The following FGFR1OP2 variants were observed in gnomAD, a reference collection of about 807,000 sequenced individuals.
FGFR1OP2 encodes FGFR1 oncogene partner 2.
FGFR1OP2 carries 17 observed loss-of-function variants against 35.2 expected under a neutral mutation model. The ratio of observed to expected loss-of-function variants is 0.48; its 90% CI spans 0.33 to 0.73. FGFR1OP2 has a LOEUF of 0.73. Ranked by LOEUF, FGFR1OP2 falls within the 30% of genes least tolerant of loss-of-function variation. FGFR1OP2 has a pLI of 0.02. For synonymous variants in FGFR1OP2, 105 were observed against 104.6 expected (o/e 1.00, Z -0.03); for missense variants, 251 against 307.3 (o/e 0.82, Z 1.37).
chr12:26,952,279 G>A (rs900220230), intron 1 of FGFR1OP2, among the ~76,000 whole-genome samples: 3 of 151,062 alleles, frequency 2.0e-5, no homozygotes, highest in Non-Finnish European at 4.4e-5. Context: ...TGGAAATTTA[G>A]AGGAAGTACA....
At chr12:26,948,844 C>G (rs777840275) in intron 1 of FGFR1OP2, among the ~76,000 whole-genome samples, 1 of 152,032 alleles carries the variant, frequency 6.6e-6, no homozygotes, top group Non-Finnish European at 1.5e-5. Context: ...CGGTAGGGGA[C>G]TCTTCTAAGG....
At position 26,966,307 on chromosome 12, in the gene FGFR1OP2, A is replaced by G. The variant is rs1433661690; in HGVS notation, c.*1574A>G. 3 of 152,222 alleles carry G rather than the reference A, an allele frequency of 2.0e-5. No individual in the cohort carries two copies. The highest frequency in any genetic ancestry group is 6.8e-3 in the Middle Eastern group (2 of 294). The allele number at this position is 152,222 out of a possible 1,614,324, so 9.4% of individuals were successfully genotyped here. A position where few individuals can be genotyped will look rare whatever the true frequency, so the allele number is the denominator to read the frequency against. Reference sequence around the variant, plus strand: ...TATTCCTTAATTTAATGACACATTCATTCAGATACTTCTTATCCCTGCTAA... The same window carrying G: ...TATTCCTTAATTTAATGACACATTCGTTCAGATACTTCTTATCCCTGCTAA... On this transcript the variant is annotated 3_prime_UTR_variant, in exon 7 of 7. Transcript: ENST00000229395.
chr12:26,949,292 C>T (rs1179523948), intron 1 of FGFR1OP2, among the ~76,000 whole-genome samples: 3 of 152,060 alleles, frequency 2.0e-5, no homozygotes, highest in Non-Finnish European at 4.4e-5. Flanking sequence ...TGCACCACCA[C>T]GCCCTGCTAA....
intron 1 of FGFR1OP2, among the ~76,000 whole-genome samples, chr12:26,945,014 G>C (rs893471391): frequency 6.6e-6 from 1 of 152,070 alleles, no homozygotes; most frequent in African/African-American, 2.4e-5. Context: ...TTATTATTGT[G>C]TTCACTTATC....
At chr12:26,960,316 TAAA>T (rs554349523) in intron 4 of FGFR1OP2, among the ~76,000 whole-genome samples, 196 bp from the exon 5 acceptor site, 1 of 152,138 alleles carries the variant, frequency 6.6e-6, no homozygotes, top group Admixed American at 6.6e-5. Context: ...AGCACATACT[TAAA>T]AAATCAGTAG....
chr12:26,945,494 C>A lies in FGFR1OP2; in HGVS notation c.-15+6784C>A, dbSNP rs117803427. Among the ~76,000 whole-genome samples the A allele has an allele frequency of 1.3e-3, 197 of 152,240 alleles. 4 individuals carry two copies. In the East Asian group the frequency reaches 0.032, roughly 24 times the overall value. Reference sequence around the variant, plus strand: ...TATATAGAAGTACATTGTTTAACTTCCAGATGTTTGGAGATTTTTCTTGTT... The same window carrying A: ...TATATAGAAGTACATTGTTTAACTTACAGATGTTTGGAGATTTTTCTTGTT... On this transcript the variant is annotated intron_variant, in intron 1 of 6. Coordinates refer to ENST00000229395, the MANE Select transcript of FGFR1OP2 (RefSeq NM_015633.3).
At chr12:26,947,048 A>G (rs968163322) in intron 1 of FGFR1OP2, among the ~76,000 whole-genome samples, 2 of 151,298 alleles carry the variant, frequency 1.3e-5, no homozygotes, top group African/African-American at 2.4e-5. Flanking sequence ...ATTCCACTGT[A>G]TGAACACATC....
At chr12:26,948,335 T>A (rs1565847794) in intron 1 of FGFR1OP2, among the ~76,000 whole-genome samples, 1 of 152,224 alleles carries the variant, frequency 6.6e-6, no homozygotes, top group Admixed American at 6.5e-5. Flanking sequence ...ATAATAAGTC[T>A]ACTGGAAATA....
chr12:26,958,216 C>G (rs1592252997), intron 4 of FGFR1OP2, among the ~76,000 whole-genome samples: 1 of 152,030 alleles, frequency 6.6e-6, no homozygotes, highest in Admixed American at 6.6e-5. Context: ...AAAAAATTAG[C>G]CGGGTGTGGT....
At chr12:26,947,583 T>C (rs1938850108) in intron 1 of FGFR1OP2, among the ~76,000 whole-genome samples, 1 of 152,156 alleles carries the variant, frequency 6.6e-6, no homozygotes, top group Non-Finnish European at 1.5e-5. Flanking sequence ...GGTTTTGCCA[T>C]GTTGCCCAGG....
intron 1 of FGFR1OP2, among the ~76,000 whole-genome samples, chr12:26,949,800 G>A (rs1302059094): frequency 1.3e-5 from 2 of 152,058 alleles, no homozygotes; most frequent in Middle Eastern, 3.4e-3. Context: ...GGCTGGTCTC[G>A]AACTCCTGAC....
At position 26,966,541 on chromosome 12, in the gene FGFR1OP2, ATTTTTT is replaced by A. The variant is rs370100358; in HGVS notation, c.*1819_*1824del. On this transcript the variant is annotated 3_prime_UTR_variant, in exon 7 of 7. Transcript: ENST00000229395. Reference sequence around the variant, plus strand: ...TTATTTAGTGACACATTTCCATCCTATTTTTTTTTTTTTTTTGGTTGTTGTTAAACA... The same window carrying A: ...TTATTTAGTGACACATTTCCATCCTATTTTTTTTTTGGTTGTTGTTAAACA... 7.4e-6 allele frequency: 1 copy of A among 134,870 alleles called. No homozygotes were observed. Among genetic ancestry groups the A allele is most frequent in the Non-Finnish European group, 1.6e-5 (1 of 63,524 alleles). 8.4% of individuals were successfully genotyped at this position (134,870 alleles called of 1,614,324 possible).
chr12:26,945,536 CTTTAG>C (rs1938806249), intron 1 of FGFR1OP2, among the ~76,000 whole-genome samples: 1 of 152,114 alleles, frequency 6.6e-6, no homozygotes, highest in African/African-American at 2.4e-5. Flanking sequence ...TAATTACTTA[CTTTAG>C]TTTAATTTCA....
chr12:26,953,480 T>A (rs1938970473), intron 1 of FGFR1OP2: 1 of 152,198 alleles, frequency 6.6e-6, no homozygotes, highest in Admixed American at 6.5e-5. Flanking sequence ...CTTACTGATT[T>A]TAGCATATCA....
At chr12:26,946,831 C>T (rs1938831336) in intron 1 of FGFR1OP2, among the ~76,000 whole-genome samples, 1 of 152,172 alleles carries the variant, frequency 6.6e-6, no homozygotes, top group African/African-American at 2.4e-5. Flanking sequence ...CCCATTCCTC[C>T]TTCCTTTTCC....
chr12:26,953,065 A>G lies in FGFR1OP2; in HGVS notation c.-14-1080A>G, dbSNP rs560674273. On this transcript the variant is annotated intron_variant, in intron 1 of 6. Transcript: ENST00000229395. ...ATCATGAGGTCAGGAGATCGAGACC[A>G]TCCTGGCTAACACAGTGAAACCCCC... is the stretch of plus-strand genomic sequence containing the variant. Among the ~76,000 whole-genome samples, 24 of 152,142 alleles carry G rather than the reference A, an allele frequency of 1.6e-4. No homozygotes were observed. In the South Asian group the frequency reaches 2.9e-3, roughly 18 times the overall value.
chr12:26,938,526 A>T lies in FGFR1OP2; in HGVS notation c.-199A>T, dbSNP rs1938616888. 6.6e-6 allele frequency: 1 copy of T among 152,126 alleles called. No homozygotes were observed. The highest frequency in any genetic ancestry group is 2.4e-5 in the African/African-American group (1 of 41,402). The allele number at this position is 152,126 out of a possible 1,614,324, so 9.4% of individuals were successfully genotyped here. On this transcript the variant is annotated 5_prime_UTR_variant, in exon 1 of 7. The change abolishes an upstream ATG in the 5' untranslated region. Transcript: ENST00000229395. ...GGCGGAGGTGTCTACCCCGCCGGTG[A>T]TGGCGTTGAACGCCACTGGCTTCCC...
intron 1 of FGFR1OP2, among the ~76,000 whole-genome samples, chr12:26,939,118 C>G (rs1425636371): frequency 6.6e-6 from 1 of 152,156 alleles, no homozygotes; most frequent in African/African-American, 2.4e-5. Context: ...TGGTTCTCTT[C>G]CTGCCTTTCT....
At chr12:26,956,301 T>C (rs1001818954) in intron 2 of FGFR1OP2, among the ~76,000 whole-genome samples, 1 of 152,058 alleles carries the variant, frequency 6.6e-6, no homozygotes, top group African/African-American at 2.4e-5. Context: ...TTTCATGTGC[T>C]TATTGGCCAT....
Sources: gnomAD v4.1 joint callset for allele counts (sites outside exome capture counted in the v4.1 genomes callset) on GRCh38, gnomAD v4.1.1 for gene constraint, MANE v1.5 for transcripts, NCBI Gene and HGNC (gene_info 2026-07-23, HGNC 2026-07-21) for gene names.